SLCO4C1: variants seen among roughly 807,000 people sequenced by gnomAD.
The protein encoded by SLCO4C1 is solute carrier organic anion transporter family member 4C1, also known as organic anion transporter M1.
SLCO4C1 carries 58 observed loss-of-function variants against 72.1 expected under a neutral mutation model. The ratio of observed to expected loss-of-function variants is 0.80; its 90% CI spans 0.65 to 1.00. The LOEUF is 1.00. Among genes scored for constraint, SLCO4C1 ranks in the 50% least tolerant of loss-of-function variants. The pLI, the probability that SLCO4C1 is intolerant of heterozygous loss-of-function variation, is 0.00. For synonymous variants in SLCO4C1, 297 were observed against 312.5 expected (o/e 0.95, Z 0.52); for missense variants, 898 against 857.9 (o/e 1.05, Z -0.58).
intron 3 of SLCO4C1, among the ~76,000 whole-genome samples, chr5:102,264,523 G>A (rs1174162076): frequency 2.0e-5 from 3 of 151,892 alleles, no homozygotes; most frequent in Admixed American, 6.6e-5. Context: ...CAGATTTAGA[G>A]TGTACATGGT....
At chr5:102,254,925 T>C (rs955337041) in intron 8 of SLCO4C1, among the ~76,000 whole-genome samples, 4 of 152,186 alleles carry the variant, frequency 2.6e-5, no homozygotes, top group African/African-American at 4.8e-5. Flanking sequence ...TATACGTGTT[T>C]CTTAGATGAG....
chr5:102,263,069 T>G (rs987725307), intron 4 of SLCO4C1, among the ~76,000 whole-genome samples: 1 of 152,214 alleles, frequency 6.6e-6, no homozygotes, highest in Non-Finnish European at 1.5e-5. Context: ...CAAAGAGATC[T>G]ACTTTAATTC....
chr5:102,265,186 T>C (rs1749013878), intron 3 of SLCO4C1, among the ~76,000 whole-genome samples: 1 of 152,116 alleles, frequency 6.6e-6, no homozygotes. Context: ...TGCTGTTGAG[T>C]TGTTAAAGTT....
Position 102,296,273 on chromosome 5 carries a change from G to T in SLCO4C1, c.-11C>A. ...TTTGGCGCTCTTCATGTCTGGATGGGTTCTCCCGACTCCGGTGCTTCAGAG... is the reference window on the plus strand; with the variant it reads ...TTTGGCGCTCTTCATGTCTGGATGGTTTCTCCCGACTCCGGTGCTTCAGAG... On this transcript the variant is annotated 5_prime_UTR_variant, in exon 1 of 13. Coordinates refer to ENST00000310954, the MANE Select transcript of SLCO4C1 (RefSeq NM_180991.5). The T allele has an allele frequency of 6.6e-7, 1 of 1,513,502 alleles. No homozygotes were observed. Among genetic ancestry groups the T allele is most frequent in the East Asian group, 2.3e-5 (1 of 43,812 alleles). 93.8% of individuals were successfully genotyped at this position (1,513,502 alleles called of 1,614,324 possible).
At chr5:102,286,841 T>G (rs987321090) in intron 2 of SLCO4C1, among the ~76,000 whole-genome samples, 1 of 152,188 alleles carries the variant, frequency 6.6e-6, no homozygotes, top group African/African-American at 2.4e-5. Flanking sequence ...TTCTTAACTT[T>G]TGTTCTTAAC....
Position 102,267,459 on chromosome 5 carries a change from T to A in SLCO4C1, c.802+3165A>T, listed in dbSNP as rs1348999842. ...TCCTTTGTTTTTCTGTGGTATCAGC[T>A]GTGATGCCTTCTATTTTGTTTCTGA... On this transcript the variant is annotated intron_variant, in intron 3 of 12. Coordinates refer to ENST00000310954, the MANE Select transcript of SLCO4C1 (RefSeq NM_180991.5). Among the ~76,000 whole-genome samples the A allele has an allele frequency of 2.6e-5, 4 of 152,098 alleles. No individual in the cohort carries two copies. The South Asian group carries it at 6.2e-4, about 24-fold the overall frequency.
At chr5:102,239,465 A>G in intron 11 of SLCO4C1, 77 bp from the exon 12 acceptor site, 1 of 1,026,444 alleles carries the variant, frequency 9.7e-7, no homozygotes, top group Non-Finnish European at 1.3e-6. Flanking sequence ...ACATGATCAT[A>G]CATATATTTT....
chr5:102,245,838 G>A (rs375775717), intron 10 of SLCO4C1, among the ~76,000 whole-genome samples: 26 of 152,178 alleles, frequency 1.7e-4, no homozygotes, highest in South Asian at 6.2e-4. Flanking sequence ...AATAATATCA[G>A]TCATCTTCCC....
intron 2 of SLCO4C1, among the ~76,000 whole-genome samples, chr5:102,273,856 C>G (rs1031488251): frequency 6.6e-6 from 1 of 151,920 alleles, no homozygotes. Flanking sequence ...TTGAGGAAAC[C>G]ATTTGAACCT....
At position 102,257,692 on chromosome 5, in the gene SLCO4C1, C is replaced by T. The variant is rs561015911; in HGVS notation, c.1273+251G>A. On this transcript the variant is annotated intron_variant, in intron 7 of 12. Transcript: ENST00000310954. ...GGAGTACAATGGCGCAATCTCGGCT[C>T]GCTGCAGTCTCCACCTCCCAGGTTC... 3.3e-5 allele frequency among the ~76,000 whole-genome samples: 5 copies of T among 151,132 alleles called. No individual in the cohort carries two copies. The South Asian group carries it at 6.3e-4, about 19-fold the overall frequency.
intron 10 of SLCO4C1, among the ~76,000 whole-genome samples, chr5:102,246,591 T>A (rs919410985): frequency 6.6e-6 from 1 of 151,478 alleles, no homozygotes; most frequent in Admixed American, 6.6e-5. Flanking sequence ...AGAACAAAAC[T>A]GCACATGTAC....
chr5:102,291,358 C>A lies in SLCO4C1; in HGVS notation c.604G>T (p.Gly202Trp). The A allele has an allele frequency of 6.2e-7, 1 of 1,612,870 alleles. No homozygotes were observed. Among genetic ancestry groups the A allele is most frequent in the East Asian group, 2.2e-5 (1 of 44,856 alleles). ...AGAAACTTACCTTCAAAAAGAGACC[C>A]CAATTTATATTCTCCACTGAAAAAT... ...PQFFSGEYKL[G>W]SLFEDTCVTT... The change falls in exon 2 of 13, where the codon GGG becomes TGG. Residue 202 changes from glycine to tryptophan, a missense_variant. Physicochemically the swap from Gly to Trp is radical, Grantham distance 184. Coordinates refer to ENST00000310954, the MANE Select transcript of SLCO4C1 (RefSeq NM_180991.5).
intron 2 of SLCO4C1, among the ~76,000 whole-genome samples, chr5:102,287,567 T>A (rs183102972): frequency 1.1e-3 from 143 of 135,830 alleles, no homozygotes; most frequent in Middle Eastern, 3.9e-3. Flanking sequence ...TGAGATGGAG[T>A]CTCTGCTCTG....
intron 8 of SLCO4C1, among the ~76,000 whole-genome samples, chr5:102,255,438 T>C (rs981391308): frequency 6.6e-6 from 1 of 152,178 alleles, no homozygotes; most frequent in African/African-American, 2.4e-5. Context: ...CAAAAAATGT[T>C]TACTGGGATA....
Position 102,277,711 on chromosome 5 carries a change from C to T in SLCO4C1, c.620-6905G>A, listed in dbSNP as rs191024286. On this transcript the variant is annotated intron_variant, in intron 2 of 12. Transcript: ENST00000310954. Reference sequence around the variant, plus strand: ...ACTCGGCAAATAAGGCCTCACCCACCCCCACCTCAAAGCCATCAGAACAGC... The same window carrying T: ...ACTCGGCAAATAAGGCCTCACCCACTCCCACCTCAAAGCCATCAGAACAGC... 3.1e-4 allele frequency among the ~76,000 whole-genome samples: 47 copies of T among 151,936 alleles called. 3 individuals are homozygous for T. The highest frequency in any genetic ancestry group is 2.7e-3 in the Admixed American group (41 of 15,242).
intron 2 of SLCO4C1, among the ~76,000 whole-genome samples, chr5:102,287,534 CTTTTTTTTTTTT>C (rs148132091): frequency 1.3e-5 from 1 of 79,970 alleles, no homozygotes; most frequent in East Asian, 3.9e-4. Context: ...TTTTTCACTT[CTTTTTTTTTTTT>C]TTTTTTTTTT....
At chr5:102,269,013 C>A (rs1284239514) in intron 3 of SLCO4C1, among the ~76,000 whole-genome samples, 1 of 151,880 alleles carries the variant, frequency 6.6e-6, no homozygotes, top group African/African-American at 2.4e-5. Context: ...TGTCTCCTGA[C>A]CTGTAAGGTT....
At chr5:102,279,066 T>C (rs1032369054) in intron 2 of SLCO4C1, among the ~76,000 whole-genome samples, 1 of 151,800 alleles carries the variant, frequency 6.6e-6, no homozygotes, top group Non-Finnish European at 1.5e-5. Context: ...TCTGAAAAGA[T>C]GAATTTAATT....
intron 2 of SLCO4C1, among the ~76,000 whole-genome samples, chr5:102,272,149 A>G (rs1472221631): frequency 6.6e-6 from 1 of 152,180 alleles, no homozygotes; most frequent in African/African-American, 2.4e-5. Context: ...ATTCATATGT[A>G]ATATCTTTTA....
Sources: gnomAD v4.1 joint callset for allele counts (sites outside exome capture counted in the v4.1 genomes callset) on GRCh38, gnomAD v4.1.1 for gene constraint, MANE v1.5 for transcripts, NCBI Gene and HGNC (gene_info 2026-07-23, HGNC 2026-07-21) for gene names.